SLC6A5: variants seen among roughly 807,000 people sequenced by gnomAD.
The protein encoded by SLC6A5 is solute carrier family 6 member 5.
A neutral mutation model predicts 90.5 loss-of-function variants in SLC6A5; 58 were observed. That is an observed-to-expected ratio of 0.64 (90% CI 0.52 to 0.80). The LOEUF (loss-of-function observed/expected upper bound fraction) is 0.80, where lower values mean the gene tolerates loss of function less well. Ranked by LOEUF, SLC6A5 falls within the 30% of genes least tolerant of loss-of-function variation. The pLI, the probability that SLC6A5 is intolerant of heterozygous loss-of-function variation, is 0.00. For synonymous variants in SLC6A5, 427 were observed against 401.4 expected, an observed-to-expected ratio of 1.06 and a Z score of -0.76; for missense variants, 1,015 against 1,017.6, an observed-to-expected ratio of 1.00 and a Z score of 0.03.
At position 20,649,887 on chromosome 11, in the gene SLC6A5, G is replaced by C. The variant is rs186787324; in HGVS notation, c.2071-2402G>C. On this transcript the variant is annotated intron_variant, in intron 14 of 15. Coordinates refer to ENST00000525748, the MANE Select transcript of SLC6A5 (RefSeq NM_004211.5). ...ACTCTAGGGACAAATGTTTAAAAAGGGGCCTAGAGTAGACATCTCTTTCCA... is the reference window on the plus strand; with the variant it reads ...ACTCTAGGGACAAATGTTTAAAAAGCGGCCTAGAGTAGACATCTCTTTCCA... 3.9e-5 allele frequency among the ~76,000 whole-genome samples: 6 copies of C among 152,268 alleles called. No homozygotes were observed. The East Asian group carries it at 1.2e-3, about 29-fold the overall frequency.
chr11:20,628,765 C>T (rs1853051397), intron 9 of SLC6A5, among the ~76,000 whole-genome samples: 1 of 152,168 alleles, frequency 6.6e-6, no homozygotes, highest in Non-Finnish European at 1.5e-5. Flanking sequence ...TTGCTATCTT[C>T]TTTATTAGAA....
At chr11:20,650,929 G>A (rs1486740764) in intron 14 of SLC6A5, among the ~76,000 whole-genome samples, 1 of 151,886 alleles carries the variant, frequency 6.6e-6, no homozygotes, top group Non-Finnish European at 1.5e-5. Context: ...GCCTCCCAAA[G>A]TGCTGGGATT....
chr11:20,610,936 A>C (rs1330878782), intron 5 of SLC6A5, among the ~76,000 whole-genome samples: 8 of 152,202 alleles, frequency 5.3e-5, no homozygotes. Flanking sequence ...CTGTCCTTGC[A>C]GGGTTAACAA....
At chr11:20,653,555 G>A (rs1853580187) in intron 15 of SLC6A5, among the ~76,000 whole-genome samples, 2 of 152,198 alleles carry the variant, frequency 1.3e-5, no homozygotes, top group African/African-American at 4.8e-5. Flanking sequence ...TGTGGTACGT[G>A]CACAACACAA....
chr11:20,633,815 G>T (rs1335259749), intron 10 of SLC6A5, among the ~76,000 whole-genome samples: 1 of 152,188 alleles, frequency 6.6e-6, no homozygotes, highest in African/African-American at 2.4e-5. Context: ...ACTAAAGTTT[G>T]TCTAGAGAGA....
chr11:20,625,129 G>C (rs1000856973), intron 7 of SLC6A5, among the ~76,000 whole-genome samples: 1 of 151,228 alleles, frequency 6.6e-6, no homozygotes, highest in African/African-American at 2.4e-5. Flanking sequence ...TGCTCCTTCT[G>C]CTTCTGCCAA....
chr11:20,605,687 C>T (rs1852565488), intron 3 of SLC6A5, among the ~76,000 whole-genome samples: 2 of 152,204 alleles, frequency 1.3e-5, no homozygotes, highest in Non-Finnish European at 2.9e-5. Context: ...CGCGCTTTGC[C>T]CGCCCGGGAT....
At chr11:20,609,400 G>T (rs3781742) in intron 5 of SLC6A5, among the ~76,000 whole-genome samples, 6 of 151,656 alleles carry the variant, frequency 4.0e-5, no homozygotes, top group Admixed American at 2.0e-4. Context: ...TGTTCCTGGC[G>T]CCAGGCTATC....
At chr11:20,632,482 T>A (rs2133804750) in intron 10 of SLC6A5, among the ~76,000 whole-genome samples, 1 of 152,288 alleles carries the variant, frequency 6.6e-6, no homozygotes, top group Admixed American at 6.5e-5. Flanking sequence ...TCCTTTCCAA[T>A]GTTTTTTCAC....
chr11:20,609,298 G>A (rs1852650289), intron 5 of SLC6A5, among the ~76,000 whole-genome samples: 1 of 148,392 alleles, frequency 6.7e-6, no homozygotes. Flanking sequence ...TTTTTTTTTG[G>A]TGAAAAGAAA....
intron 5 of SLC6A5, among the ~76,000 whole-genome samples, chr11:20,607,974 A>G (rs1367235995): frequency 6.6e-6 from 1 of 152,192 alleles, no homozygotes; most frequent in Non-Finnish European, 1.5e-5. Context: ...TCGTTGTAGA[A>G]TTTTATTTTG....
Position 20,626,701 on chromosome 11 carries a change from T to A in SLC6A5, c.1261-7T>A. The stretch of plus-strand genomic sequence containing the variant: ...TCTTCCAGCCCCTCTGCCCATGGCT[T>A]TTCTAGGTGGTGTACTTCACGGCCA... On this transcript the variant is annotated splice_region_variant and splice_polypyrimidine_tract_variant and intron_variant, in intron 7 of 15. Transcript: ENST00000525748. The A allele has an allele frequency of 6.2e-7, 1 of 1,613,938 alleles. No individual in the cohort carries two copies. Among genetic ancestry groups the A allele is most frequent in the African/African-American group, 1.3e-5 (1 of 75,040 alleles).
chr11:20,617,684 C>A (rs1852807227), intron 6 of SLC6A5, 68 bp from the exon 7 acceptor site: 5 of 1,444,540 alleles, frequency 3.5e-6, no homozygotes, highest in Admixed American at 3.3e-5. Context: ...AGGCTTAAAG[C>A]CTACTGCCTG....
At chr11:20,630,939 T>C (rs2133803291) in intron 10 of SLC6A5, 124 bp downstream of exon 10, 1 of 1,122,076 alleles carries the variant, frequency 8.9e-7, no homozygotes, top group Admixed American at 2.0e-5. Context: ...GGAGCCCAGG[T>C]CCTTCTTTAC....
intron 14 of SLC6A5, among the ~76,000 whole-genome samples, chr11:20,650,970 G>T (rs1853519844): frequency 6.6e-6 from 1 of 151,396 alleles, no homozygotes; most frequent in South Asian, 2.1e-4. Context: ...CCGGCCAGAC[G>T]CCTGTTCTTA....
rs188744110 is a variant in SLC6A5 at position 20,621,405 on chromosome 11, T to C, written c.1260+3521T>C. Reference sequence around the variant, plus strand: ...TGGAATGGCATTGCAGCCAGTTCTTTCCACTGATTTAGAATCTAATTCTTG... The same window carrying C: ...TGGAATGGCATTGCAGCCAGTTCTTCCCACTGATTTAGAATCTAATTCTTG... On this transcript the variant is annotated intron_variant, in intron 7 of 15. Coordinates refer to ENST00000525748, the MANE Select transcript of SLC6A5 (RefSeq NM_004211.5). 2.0e-4 allele frequency among the ~76,000 whole-genome samples: 30 copies of C among 152,336 alleles called. No homozygotes were observed. In the East Asian group the frequency reaches 5.6e-3, roughly 28 times the overall value.
rs1055628454 is a variant in SLC6A5, at chr11:20,657,606, C to T, written c.*2738C>T. 6.6e-6 allele frequency: 1 copy of T among 152,132 alleles called. No individual in the cohort carries two copies. The highest frequency in any genetic ancestry group is 1.5e-5 in the Non-Finnish European group (1 of 68,038). The allele number at this position is 152,132 out of a possible 1,614,324, so 9.4% of individuals were successfully genotyped here. A position where few individuals can be genotyped will look rare whatever the true frequency, so the allele number is the denominator to read the frequency against. ...TGAATAACATTGTTAGAAACTGGCA[C>T]CTGAAAACTTCCCTTCAAAGTGGGG... On this transcript the variant is annotated 3_prime_UTR_variant, in exon 16 of 16. Transcript: ENST00000525748.
At chr11:20,611,273 G>A (rs956712849) in intron 5 of SLC6A5, among the ~76,000 whole-genome samples, 1 of 152,020 alleles carries the variant, frequency 6.6e-6, no homozygotes, top group Non-Finnish European at 1.5e-5. Context: ...TGGGCAACAC[G>A]GCAAAACCCT....
At chr11:20,642,473 C>T (rs57287233) in intron 13 of SLC6A5, among the ~76,000 whole-genome samples, 6 of 152,082 alleles carry the variant, frequency 3.9e-5, no homozygotes, top group Non-Finnish European at 7.4e-5. Flanking sequence ...TTCTTTCCCC[C>T]CTGCTGTTTT....
Sources: allele counts gnomAD v4.1 joint callset (sites outside exome capture counted in the v4.1 genomes callset), GRCh38; gene constraint gnomAD v4.1.1; transcripts MANE v1.5; gene names NCBI Gene and HGNC (gene_info 2026-07-23, HGNC 2026-07-21).